Variants in AGAP1 observed in about 807,000 individuals in gnomAD.
The protein encoded by AGAP1 is arf-GAP with GTPase, ANK repeat and PH domain-containing protein 1.
In AGAP1, 29 loss-of-function variants were observed where a neutral mutation model predicts 105.3. The ratio of observed to expected loss-of-function variants is 0.28; its 90% CI spans 0.21 to 0.38. AGAP1 has a LOEUF of 0.38. AGAP1 is among the 10% of genes least tolerant of loss of function. The pLI is 1.00. For missense variants in AGAP1, 998 were observed against 1,165.1 expected (o/e 0.86, Z 2.09); for synonymous variants, 509 against 485.9 (o/e 1.05, Z -0.63).
At chr2:235,511,879 A>G (rs12465463) in intron 1 of AGAP1, among the ~76,000 whole-genome samples, 155 of 18,008 alleles carry the variant, frequency 8.6e-3, no homozygotes, top group Non-Finnish European at 0.012. Context: ...TGTGTATGTG[A>G]ATGTGTGTGA....
In AGAP1 at chr2:236,119,699, C is replaced by T. The variant is rs752201366; in HGVS notation, c.2115-493C>T. Among the ~76,000 whole-genome samples the T allele has an allele frequency of 4.6e-5, 7 of 152,076 alleles. No homozygotes were observed. Among genetic ancestry groups the T allele is most frequent in the African/African-American group, 7.2e-5 (3 of 41,412 alleles). On this transcript the variant is annotated intron_variant, in intron 16 of 17. Transcript: ENST00000304032. This position sits in a 1 kb window ranked among gnomAD's most constrained non-coding sequence, Gnocchi z 6.6. Reference sequence around the variant, plus strand: ...ATCGTGCGGTCCGTGCTCTCGGCCCCGGAGACCGTGCTTCCATCGTGCTGG... The same window carrying T: ...ATCGTGCGGTCCGTGCTCTCGGCCCTGGAGACCGTGCTTCCATCGTGCTGG...
intron 9 of AGAP1, among the ~76,000 whole-genome samples, chr2:235,870,048 C>T (rs2049362463): frequency 6.6e-6 from 1 of 152,182 alleles, no homozygotes; most frequent in Non-Finnish European, 1.5e-5. Flanking sequence ...AGGATATGAG[C>T]ACCACGGGGG....
chr2:235,563,394 CT>C (rs1944231825), intron 1 of AGAP1, among the ~76,000 whole-genome samples: 1 of 152,242 alleles, frequency 6.6e-6, no homozygotes, highest in South Asian at 2.1e-4. Flanking sequence ...AGGTGACCCC[CT>C]GAGAAGCTAC....
chr2:235,852,871 G>A, intron 9 of AGAP1: 1 of 1,393,966 alleles, frequency 7.2e-7, no homozygotes, highest in Middle Eastern at 1.9e-4. Context: ...AGTTAACATA[G>A]AGGTGAACTC....
intron 13 of AGAP1, among the ~76,000 whole-genome samples, chr2:235,984,252 G>T (rs2055210614): frequency 6.6e-6 from 1 of 152,286 alleles, no homozygotes; most frequent in Non-Finnish European, 1.5e-5. Context: ...TTTAAAGGAT[G>T]GATAATATTC....
At position 235,867,489 on chromosome 2, in the gene AGAP1, G is replaced by A. The variant is rs1475928846; in HGVS notation, c.1051-15856G>A. Among the ~76,000 whole-genome samples the A allele has an allele frequency of 3.9e-5, 6 of 151,946 alleles. No individual in the cohort carries two copies. The highest frequency in any genetic ancestry group is 1.2e-4 in the African/African-American group (5 of 41,418). On this transcript the variant is annotated intron_variant, in intron 9 of 17. Transcript: ENST00000304032. The surrounding 1 kb of genome is among the most constrained non-coding windows in gnomAD (Gnocchi z 5.4). ...CAGGCTGTGAGAGTTCCTGTTAGGC[G>A]GGAAGGCTCTGGCCCCTCGGGATCA... is the stretch of plus-strand genomic sequence containing the variant.
At chr2:236,068,728 A>C (rs984853876) in intron 16 of AGAP1, among the ~76,000 whole-genome samples, 2 of 144,270 alleles carry the variant, frequency 1.4e-5, no homozygotes, top group Non-Finnish European at 3.0e-5. Flanking sequence ...TGAACCCGAG[A>C]GGCAGAGCTT....
chr2:235,649,688 A>G (rs1947517566), intron 1 of AGAP1, among the ~76,000 whole-genome samples: 1 of 152,158 alleles, frequency 6.6e-6, no homozygotes, highest in Non-Finnish European at 1.5e-5. Context: ...GTGCTTTTCT[A>G]GCGCCTCCCA....
chr2:235,750,775 C>G lies in AGAP1; in HGVS notation c.673+287C>G, dbSNP rs1953359255. ...TGTACAGGATAGAACATTTCTTGAG[C>G]TGTTACTCATCCATGTGCTCTGTAA... On this transcript the variant is annotated intron_variant, in intron 6 of 17. Transcript: ENST00000304032. This position sits in a 1 kb window ranked among gnomAD's most constrained non-coding sequence, Gnocchi z 5.3. 6.6e-6 allele frequency among the ~76,000 whole-genome samples: 1 copy of G among 152,124 alleles called. No homozygotes were observed. Among genetic ancestry groups the G allele is most frequent in the Non-Finnish European group, 1.5e-5 (1 of 68,020 alleles).
At position 236,035,106 on chromosome 2, in the gene AGAP1, G is replaced by A. The variant is rs2057339567; in HGVS notation, c.1646-1455G>A. On this transcript the variant is annotated intron_variant, in intron 13 of 17. Transcript: ENST00000304032. The surrounding 1 kb of genome is among the most constrained non-coding windows in gnomAD (Gnocchi z 4.2). Reference sequence around the variant, plus strand: ...TGAGGTCAGTAAGCCGTGCTTGGAAGCTGGGCTAGAGGGACCAAGAGTCTG... The same window carrying A: ...TGAGGTCAGTAAGCCGTGCTTGGAAACTGGGCTAGAGGGACCAAGAGTCTG... 1.3e-5 allele frequency among the ~76,000 whole-genome samples: 2 copies of A among 152,340 alleles called. No individual in the cohort carries two copies. The highest frequency in any genetic ancestry group is 3.9e-4 in the East Asian group (2 of 5,174).
At chr2:236,013,811 G>GCAGC (rs2056602428) in intron 13 of AGAP1, among the ~76,000 whole-genome samples, 2 of 152,222 alleles carry the variant, frequency 1.3e-5, no homozygotes, top group Non-Finnish European at 2.9e-5. Context: ...CTGGGGCTGT[G>GCAGC]CCTTTGCTTG....
At position 235,958,318 on chromosome 2, in the gene AGAP1, C is replaced by T. The variant is rs529449774; in HGVS notation, c.1484-10144C>T. On this transcript the variant is annotated intron_variant, in intron 12 of 17. Coordinates refer to ENST00000304032, the MANE Select transcript of AGAP1 (RefSeq NM_001037131.3). The surrounding 1 kb of genome is among the most constrained non-coding windows in gnomAD (Gnocchi z 4.1). ...CTCCAGGGTCAGGGAAGATCTGACC[C>T]GGGAGAGGATTAGGGCCCTGCTAAC... Among the ~76,000 whole-genome samples, 2 of 152,118 alleles carry T rather than the reference C, an allele frequency of 1.3e-5. No individual in the cohort carries two copies. Among genetic ancestry groups the T allele is most frequent in the South Asian group, 2.1e-4 (1 of 4,814 alleles).
At chr2:235,727,629 A>C (rs1371066306) in intron 3 of AGAP1, among the ~76,000 whole-genome samples, 1 of 152,166 alleles carries the variant, frequency 6.6e-6, no homozygotes, top group Non-Finnish European at 1.5e-5. Context: ...TCAGCTCACA[A>C]AATAATGTTT....
chr2:235,882,510 G>T lies in AGAP1; in HGVS notation c.1051-835G>T. On this transcript the variant is annotated intron_variant, in intron 9 of 17. Coordinates refer to ENST00000304032, the MANE Select transcript of AGAP1 (RefSeq NM_001037131.3). The surrounding 1 kb of genome is among the most constrained non-coding windows in gnomAD (Gnocchi z 4.6). The stretch of plus-strand genomic sequence containing the variant: ...GTCTGCCATTTTCTTAAAACAATCG[G>T]TACCATCCGTGGCGGGCTCTTAGCT... 2 of 1,426,002 alleles carry T rather than the reference G, an allele frequency of 1.4e-6. No individual in the cohort carries two copies. Among genetic ancestry groups the T allele is most frequent in the Non-Finnish European group, 2.0e-6 (2 of 1,023,104 alleles). 88.3% of individuals were successfully genotyped at this position (1,426,002 alleles called of 1,614,324 possible). A position where few individuals can be genotyped will look rare whatever the true frequency, so the allele number is the denominator to read the frequency against.
In AGAP1 at chr2:235,968,852, G is replaced by A. The variant is rs947545357; in HGVS notation, c.1645+229G>A. ...TCTGCTGTCATCACTCTTGGCCGCC[G>A]TCGCTGGTAGCGGGTAGGAGTGCTG... is the stretch of plus-strand genomic sequence containing the variant. On this transcript the variant is annotated intron_variant, in intron 13 of 17. Coordinates refer to ENST00000304032, the MANE Select transcript of AGAP1 (RefSeq NM_001037131.3). Among the ~76,000 whole-genome samples, 16 of 152,116 alleles carry A rather than the reference G, an allele frequency of 1.1e-4. 1 individual carries two copies. The highest frequency in any genetic ancestry group is 1.4e-4 in the African/African-American group (6 of 41,416).
intron 13 of AGAP1, among the ~76,000 whole-genome samples, chr2:236,008,635 C>A (rs982961593): frequency 7.2e-5 from 11 of 152,196 alleles, no homozygotes; most frequent in African/African-American, 2.7e-4. Context: ...CTAATTGGAA[C>A]TTCTGGTTTT....
In AGAP1 at chr2:235,934,589, G is replaced by C. The variant is rs1488194598; in HGVS notation, c.1483+3666G>C. On this transcript the variant is annotated intron_variant, in intron 12 of 17. Coordinates refer to ENST00000304032, the MANE Select transcript of AGAP1 (RefSeq NM_001037131.3). The surrounding 1 kb of genome is among the most constrained non-coding windows in gnomAD (Gnocchi z 4.9). ...GCATAAACATTCCCTGCAGGGCTTA[G>C]AAAATAATCACAGAAGAAACAAACA... Among the ~76,000 whole-genome samples the C allele has an allele frequency of 6.6e-6, 1 of 152,184 alleles. No homozygotes were observed. Among genetic ancestry groups the C allele is most frequent in the African/African-American group, 2.4e-5 (1 of 41,446 alleles).
intron 9 of AGAP1, among the ~76,000 whole-genome samples, chr2:235,814,900 G>T (rs1163931599): frequency 1.3e-5 from 2 of 152,154 alleles, no homozygotes; most frequent in Non-Finnish European, 2.9e-5. Flanking sequence ...CATATTATTT[G>T]TAGGAGCAGT....
rs754334702 is a variant in AGAP1, at chr2:235,578,114, G to T, written c.163+83265G>T. Among the ~76,000 whole-genome samples, 9 of 152,236 alleles carry T rather than the reference G, an allele frequency of 5.9e-5. No individual in the cohort carries two copies. The highest frequency in any genetic ancestry group is 2.1e-4 in the South Asian group (1 of 4,818). The stretch of plus-strand genomic sequence containing the variant: ...ATTGGGAGCAGAGACAAGAGTTCCA[G>T]GGCGAGCCTCAGTTCTGGGACCACC... On this transcript the variant is annotated intron_variant, in intron 1 of 17. Transcript: ENST00000304032. This position sits in a 1 kb window ranked among gnomAD's most constrained non-coding sequence, Gnocchi z 4.9.
Sources: gnomAD v4.1 joint callset for allele counts (sites outside exome capture counted in the v4.1 genomes callset) on GRCh38, gnomAD v4.1.1 for gene constraint, Gnocchi (gnomAD v3.1) non-coding constraint, MANE v1.5 for transcripts, NCBI Gene and HGNC (gene_info 2026-07-23, HGNC 2026-07-21) for gene names.